The following SNRPN variants were observed in gnomAD, a reference collection of about 807,000 sequenced individuals.
The protein encoded by SNRPN is small nuclear ribonucleoprotein-associated protein N.
In SNRPN, 7 loss-of-function variants were observed where a neutral mutation model predicts 25.2. The ratio of observed to expected loss-of-function variants is 0.28; its 90% confidence interval spans 0.16 to 0.52. SNRPN has a LOEUF of 0.52. SNRPN is among the 20% of genes least tolerant of loss of function. SNRPN has a pLI of 0.96. For synonymous variants in SNRPN, 124 were observed against 110.6 expected (o/e 1.12, Z -0.76); for missense variants, 196 against 322.5 (o/e 0.61, Z 3.00).
chr15:24,886,491 T>C (rs1229430089), intron 1 of SNRPN: 3 of 151,826 alleles, frequency 2.0e-5, no homozygotes, highest in Non-Finnish European at 4.4e-5. Flanking sequence ...ACACGTATCA[T>C]TGAATATGAC....
At chr15:24,877,294 T>C (rs1245399350) in intron 1 of SNRPN, among the ~76,000 whole-genome samples, 3 of 152,234 alleles carry the variant, frequency 2.0e-5, no homozygotes, top group African/African-American at 7.2e-5. Context: ...GTTGCTTTCA[T>C]GCCTTAAAGT....
chr15:24,874,810 T>C (rs1275850051), intron 1 of SNRPN, among the ~76,000 whole-genome samples: 1 of 152,140 alleles, frequency 6.6e-6, no homozygotes, highest in East Asian at 1.9e-4. Context: ...ATGATGACAA[T>C]GTGGGGTAAA....
At chr15:24,950,394 C>T (rs1288850371), upstream of SNRPN, among the ~76,000 whole-genome samples, 1 of 151,870 alleles carries the variant, frequency 6.6e-6, no homozygotes, top group Non-Finnish European at 1.5e-5. Context: ...CCAGGCTGGT[C>T]TCGAACTCCT....
At chr15:24,905,328 G>A (rs1459178081) in intron 2 of SNRPN, among the ~76,000 whole-genome samples, 1 of 151,660 alleles carries the variant, frequency 6.6e-6, no homozygotes, top group East Asian at 2.0e-4. Flanking sequence ...GGCCAATATG[G>A]TAAAACCCTG....
rs189622140 is a variant in SNRPN, at chr15:24,937,112, G to A, written c.-391+16988G>A. On this transcript the variant is annotated intron_variant, in intron 3 of 11. Coordinates refer to the SNRPN transcript ENST00000400097. ...AAAAATTAGCTGGGCATGGTGGTGC[G>A]TGCCTCTAATTCCAGCTACTTGGGA... Among the ~76,000 whole-genome samples the A allele has an allele frequency of 4.2e-3, 643 of 151,892 alleles. 15 individuals carry two copies. Among genetic ancestry groups the A allele is most frequent in the Admixed American group, 0.038 (583 of 15,198 alleles).
intron 7 of SNRPN, 51 bp from the exon 8 acceptor site, chr15:24,977,727 A>T: frequency 6.6e-7 from 1 of 1,512,594 alleles, no homozygotes. Flanking sequence ...CTGTGTTTGA[A>T]TAATGTGAAG....
chr15:24,864,828 T>A (rs540985944), intron 1 of SNRPN, among the ~76,000 whole-genome samples: 1 of 152,180 alleles, frequency 6.6e-6, no homozygotes. Context: ...TTAATCTCCA[T>A]GTATTTTGAA....
chr15:24,880,287 A>G (rs1189436177), intron 1 of SNRPN, among the ~76,000 whole-genome samples: 1 of 152,122 alleles, frequency 6.6e-6, no homozygotes, highest in Non-Finnish European at 1.5e-5. Flanking sequence ...CCTTGCCTCT[A>G]AAAGAGGGGG....
intron 2 of SNRPN, among the ~76,000 whole-genome samples, chr15:24,847,862 G>C (rs2052344424): frequency 6.6e-6 from 1 of 152,104 alleles, no homozygotes; most frequent in Non-Finnish European, 1.5e-5. Flanking sequence ...ACTGTAAAAC[G>C]ACTTCAGCTG....
At chr15:24,912,299 A>T (rs4482261) in intron 2 of SNRPN, 21,849 of 152,162 alleles carry the variant, frequency 0.14, 1,786 homozygotes, top group African/African-American at 0.2. Flanking sequence ...TATAAAGGGA[A>T]TGTTTATCCT....
intron 1 of SNRPN, among the ~76,000 whole-genome samples, chr15:24,884,507 T>C (rs2057013579): frequency 6.6e-6 from 1 of 152,154 alleles, no homozygotes; most frequent in African/African-American, 2.4e-5. Context: ...GTCATGACAC[T>C]TAGCCCATCC....
chr15:24,976,098 A>G (rs1221860290), intron 5 of SNRPN, among the ~76,000 whole-genome samples: 1 of 152,232 alleles, frequency 6.6e-6, no homozygotes, highest in East Asian at 1.9e-4. Context: ...CATTCTGTAA[A>G]AGACTAAAGT....
At chr15:24,972,518 T>A (rs1224445456) in intron 3 of SNRPN, among the ~76,000 whole-genome samples, 3 of 151,314 alleles carry the variant, frequency 2.0e-5, no homozygotes, top group African/African-American at 4.9e-5. Flanking sequence ...GGCCACTGAA[T>A]GACAGCCAGG....
chr15:24,936,347 C>G (rs2061235120), intron 3 of SNRPN, among the ~76,000 whole-genome samples: 1 of 152,182 alleles, frequency 6.6e-6, no homozygotes, highest in Non-Finnish European at 1.5e-5. Flanking sequence ...GCCCATGTTC[C>G]TGATATCTGG....
chr15:24,841,154 A>C (rs1481358216), intron 2 of SNRPN, among the ~76,000 whole-genome samples: 1 of 152,086 alleles, frequency 6.6e-6, no homozygotes, highest in Non-Finnish European at 1.5e-5. Context: ...TCACATTTTT[A>C]TCTGTAACAA....
chr15:24,916,947 A>T (rs758297195), intron 2 of SNRPN, among the ~76,000 whole-genome samples: 4 of 152,208 alleles, frequency 2.6e-5, no homozygotes, highest in Non-Finnish European at 4.4e-5. Flanking sequence ...GCAGGTTGCC[A>T]CTGGTGGCTG....
At chr15:24,835,093 T>TATATATAGTATATATCTATATATAAA (rs1566807559) in intron 2 of SNRPN, among the ~76,000 whole-genome samples, 1 of 10,894 alleles carries the variant, frequency 9.2e-5, no homozygotes, top group Non-Finnish European at 1.9e-4. Context: ...ATATAAAATA[T>TATATATAGTATATATCTATATATAAA]ATAGATATAT....
chr15:24,955,058 G>C lies in SNRPN; in HGVS notation c.-395G>C, dbSNP rs2062611368. 4 of 1,613,458 alleles carry C rather than the reference G, an allele frequency of 2.5e-6. No individual in the cohort carries two copies. The highest frequency in any genetic ancestry group is 2.5e-6 in the Non-Finnish European group (3 of 1,180,014). ...AGCGGTCAGTGACGCGATGGAGCGG[G>C]CAAGGTCAGCTGTGCCGGTGGCTTC... On this transcript the variant is annotated 5_prime_UTR_variant, in exon 1 of 10. Transcript: ENST00000390687.
At chr15:24,923,309 T>G (rs958063535) in intron 3 of SNRPN, among the ~76,000 whole-genome samples, 9 of 152,170 alleles carry the variant, frequency 5.9e-5, no homozygotes, top group Non-Finnish European at 1.2e-4. Context: ...CTGATTTATA[T>G]AGGTACACAT....
Sources: allele counts gnomAD v4.1 joint callset (sites outside exome capture counted in the v4.1 genomes callset), GRCh38; gene constraint gnomAD v4.1.1; transcripts MANE v1.5; gene names NCBI Gene and HGNC (gene_info 2026-07-23, HGNC 2026-07-21).